Variants in SAMTOR observed in about 807,000 individuals in gnomAD.
The protein encoded by SAMTOR is S-adenosylmethionine sensor upstream of mTORC1.
At chr7:112,931,902 A>T in the SAMTOR span, among the ~76,000 whole-genome samples, 6 of 152,200 alleles carry the variant, frequency 3.9e-5, no homozygotes, top group South Asian at 1.2e-3. Context: ...AAATATAAAC[A>T]AATACACAAA....
the SAMTOR span, among the ~76,000 whole-genome samples, chr7:112,916,820 C>A: frequency 2.0e-5 from 3 of 152,216 alleles, no homozygotes; most frequent in Non-Finnish European, 1.5e-5. Context: ...GGGTCCTACG[C>A]CCACAGAGTC....
the SAMTOR span, chr7:112,939,742 T>C: frequency 6.3e-7 from 1 of 1,599,444 alleles, no homozygotes; most frequent in Non-Finnish European, 8.5e-7. Flanking sequence ...CGCCGGCCCC[T>C]GGCTCCATAT....
chr7:112,906,573 C>CTTTT, the SAMTOR span, among the ~76,000 whole-genome samples: 3 of 144,518 alleles, frequency 2.1e-5, no homozygotes, highest in Non-Finnish European at 3.0e-5. Flanking sequence ...AAAGACATAT[C>CTTTT]TTTTTTTTTT....
At chr7:112,869,765 T>A in the SAMTOR span, among the ~76,000 whole-genome samples, 1 of 152,072 alleles carries the variant, frequency 6.6e-6, no homozygotes, top group East Asian at 1.9e-4. Context: ...AGAATATGGA[T>A]GGCAAGAAAA....
chr7:112,920,923 A>G, the SAMTOR span, among the ~76,000 whole-genome samples: 2 of 152,298 alleles, frequency 1.3e-5, no homozygotes, highest in East Asian at 3.9e-4. Flanking sequence ...AGAACTACAA[A>G]CCACTGCTCA....
chr7:112,889,150 A>C, the SAMTOR span, among the ~76,000 whole-genome samples: 1 of 152,218 alleles, frequency 6.6e-6, no homozygotes, highest in Non-Finnish European at 1.5e-5. Flanking sequence ...TATGTCTATA[A>C]TATCTGTTCT....
chr7:112,905,126 A>C, the SAMTOR span, among the ~76,000 whole-genome samples: 1 of 152,196 alleles, frequency 6.6e-6, no homozygotes, highest in African/African-American at 2.4e-5. Flanking sequence ...AAATTATTCA[A>C]CCTAGCCAAT....
At chr7:112,826,163 C>T in the SAMTOR span, among the ~76,000 whole-genome samples, 2 of 152,084 alleles carry the variant, frequency 1.3e-5, no homozygotes, top group Non-Finnish European at 2.9e-5. Context: ...GATTTTGATA[C>T]CAGAGTAATG....
chr7:112,935,428 C>T, the SAMTOR span, among the ~76,000 whole-genome samples: 1 of 151,996 alleles, frequency 6.6e-6, no homozygotes, highest in Non-Finnish European at 1.5e-5. Flanking sequence ...TTTCCCCTTC[C>T]CCCACAATTC....
chr7:112,924,680 A>G, the SAMTOR span, among the ~76,000 whole-genome samples: 240 of 152,334 alleles, frequency 1.6e-3, 2 homozygotes, highest in Middle Eastern at 6.8e-3. Context: ...GGCAATAACT[A>G]TTAACTTAAA....
At chr7:112,938,558 T>A in the SAMTOR span, among the ~76,000 whole-genome samples, 53 of 152,314 alleles carry the variant, frequency 3.5e-4, no homozygotes, top group East Asian at 7.1e-3. Context: ...ATTAACTAAG[T>A]ATAGGACTAA....
At chr7:112,919,618 T>C in the SAMTOR span, among the ~76,000 whole-genome samples, 2 of 151,564 alleles carry the variant, frequency 1.3e-5, no homozygotes, top group South Asian at 2.1e-4. Context: ...CTGAAGAAAA[T>C]AGAGACACAA....
At chr7:112,935,520 T>G in the SAMTOR span, among the ~76,000 whole-genome samples, 1 of 152,206 alleles carries the variant, frequency 6.6e-6, no homozygotes, top group Non-Finnish European at 1.5e-5. Flanking sequence ...AATTCACCTG[T>G]TAAGATCACC....
chr7:112,874,017 G>A, the SAMTOR span, among the ~76,000 whole-genome samples: 1 of 152,062 alleles, frequency 6.6e-6, no homozygotes, highest in Admixed American at 6.6e-5. Flanking sequence ...TCTCATATCA[G>A]TCAGAATGGC....
the SAMTOR span, among the ~76,000 whole-genome samples, chr7:112,842,105 T>C: frequency 6.6e-6 from 1 of 152,016 alleles, no homozygotes; most frequent in Non-Finnish European, 1.5e-5. Flanking sequence ...CTATAAGCAA[T>C]TTACATTTCC....
At chr7:112,897,381 A>T in the SAMTOR span, among the ~76,000 whole-genome samples, 2 of 152,200 alleles carry the variant, frequency 1.3e-5, no homozygotes, top group Admixed American at 1.3e-4. Context: ...AAGCTTGCTT[A>T]TGTTTCTATC....
At chr7:112,820,896 C>A in the SAMTOR span, 1 of 151,988 alleles carries the variant, frequency 6.6e-6, no homozygotes, top group Non-Finnish European at 1.5e-5. Flanking sequence ...AAGTGCAAAC[C>A]CTTTCAAAAA....
the SAMTOR span, among the ~76,000 whole-genome samples, chr7:112,884,948 A>C: frequency 2.6e-5 from 4 of 152,226 alleles, no homozygotes; most frequent in Non-Finnish European, 5.9e-5. Flanking sequence ...CAGATGTTTC[A>C]TACATCCTCT....
the SAMTOR span, among the ~76,000 whole-genome samples, chr7:112,917,396 T>C: frequency 6.6e-6 from 1 of 152,308 alleles, no homozygotes; most frequent in South Asian, 2.1e-4. Flanking sequence ...TCCTGTCTGT[T>C]AGAAAGAAAA....
Sources: allele counts gnomAD v4.1 joint callset (sites outside exome capture counted in the v4.1 genomes callset), GRCh38; gene constraint gnomAD v4.1.1; transcripts MANE v1.5; gene names NCBI Gene and HGNC (gene_info 2026-07-23, HGNC 2026-07-21).